EPB41L4A: variants seen among roughly 807,000 people sequenced by gnomAD.
EPB41L4A encodes the protein erythrocyte membrane protein band 4.1 like 4A.
Under a neutral mutation model 108.6 loss-of-function variants are expected in EPB41L4A, and 100 were observed. The ratio of observed to expected loss-of-function variants is 0.92; its 90% CI spans 0.78 to 1.09. The LOEUF (loss-of-function observed/expected upper bound fraction) is 1.09, where lower values mean the gene tolerates loss of function less well. Ranked by LOEUF, EPB41L4A falls within the 50% of genes least tolerant of loss-of-function variation. EPB41L4A has a pLI of 0.00. For missense variants in EPB41L4A, 1,030 were observed against 842.7 expected, an observed-to-expected ratio of 1.22 and a Z score of -2.75; for synonymous variants, 319 against 289.0, an observed-to-expected ratio of 1.10 and a Z score of -1.05.
chr5:112,270,540 A>G (rs1018605495), intron 4 of EPB41L4A, among the ~76,000 whole-genome samples: 2 of 152,250 alleles, frequency 1.3e-5, no homozygotes, highest in African/African-American at 4.8e-5. Flanking sequence ...TTTAACCTCT[A>G]AAGTTTAAAA....
At chr5:112,374,244 G>A (rs1759669445) in intron 1 of EPB41L4A, among the ~76,000 whole-genome samples, 1 of 152,174 alleles carries the variant, frequency 6.6e-6, no homozygotes, top group Non-Finnish European at 1.5e-5. Flanking sequence ...ACAGTGATTG[G>A]GAGTGGAAAC....
intron 17 of EPB41L4A, among the ~76,000 whole-genome samples, chr5:112,192,486 G>A (rs1283029055): frequency 2.0e-5 from 3 of 152,172 alleles, no homozygotes; most frequent in East Asian, 3.9e-4. Context: ...TGCATGAAAC[G>A]TGTCGGAATG....
chr5:112,404,037 A>T (rs1208335923), intron 1 of EPB41L4A, among the ~76,000 whole-genome samples: 1 of 152,252 alleles, frequency 6.6e-6, no homozygotes, highest in Non-Finnish European at 1.5e-5. Flanking sequence ...TCAGTTTTCT[A>T]ATCGGCAAAT....
At position 112,367,194 on chromosome 5, in the gene EPB41L4A, T is replaced by G. The variant is rs553661519; in HGVS notation, c.99+51747A>C. 9.0e-4 allele frequency among the ~76,000 whole-genome samples: 137 copies of G among 152,178 alleles called. 1 individual carries two copies. The highest frequency in any genetic ancestry group is 2.8e-3 in the African/African-American group (116 of 41,520). ...TCAGCTCTGCCCCTAGAGGAAAGAG[T>G]TTGCACCTGTAGTCACAGGCAAGAA... is the stretch of plus-strand genomic sequence containing the variant. On this transcript the variant is annotated intron_variant, in intron 1 of 22. Transcript: ENST00000261486.
chr5:112,386,175 C>A (rs1290536727), intron 1 of EPB41L4A, among the ~76,000 whole-genome samples: 1 of 152,146 alleles, frequency 6.6e-6, no homozygotes, highest in Non-Finnish European at 1.5e-5. Context: ...GCATTATCAC[C>A]CACTGAGGGG....
chr5:112,206,317 A>G (rs1279973873), intron 13 of EPB41L4A, among the ~76,000 whole-genome samples: 8 of 151,994 alleles, frequency 5.3e-5, no homozygotes, highest in African/African-American at 1.9e-4. Flanking sequence ...ATAGAGGAGT[A>G]CTTTGTAACA....
intron 13 of EPB41L4A, among the ~76,000 whole-genome samples, chr5:112,145,532 A>T (rs1333543481): frequency 6.6e-6 from 1 of 152,194 alleles, no homozygotes; most frequent in Non-Finnish European, 1.5e-5. Context: ...ACTGCCAACT[A>T]CATTTCCTGT....
At chr5:112,151,793 C>T (rs1237020814) in intron 12 of EPB41L4A, among the ~76,000 whole-genome samples, 2 of 151,782 alleles carry the variant, frequency 1.3e-5, no homozygotes, top group Non-Finnish European at 2.9e-5. Flanking sequence ...TGCAATGGCA[C>T]GATCTCAGCT....
intron 1 of EPB41L4A, among the ~76,000 whole-genome samples, chr5:112,329,301 C>A (rs934398570): frequency 4.6e-5 from 7 of 152,104 alleles, no homozygotes; most frequent in African/African-American, 1.7e-4. Flanking sequence ...TTTAAAATTA[C>A]AGATTTGGTT....
intron 1 of EPB41L4A, among the ~76,000 whole-genome samples, chr5:112,391,024 C>G (rs928475940): frequency 4.2e-4 from 64 of 152,302 alleles, no homozygotes; most frequent in African/African-American, 1.4e-3. Flanking sequence ...GGAATAGCAT[C>G]AACATCAACA....
intron 1 of EPB41L4A, among the ~76,000 whole-genome samples, chr5:112,367,850 C>CTGAACAAACTGAACTCATTACCT (rs1561613804): frequency 4.7e-5 from 7 of 149,816 alleles, no homozygotes; most frequent in African/African-American, 1.8e-4. Context: ...ACTCAGTACC[C>CTGAACAAACTGAACTCATTACCT]GGCTGAACAA....
At chr5:112,417,073 T>C (rs551559910) in intron 1 of EPB41L4A, among the ~76,000 whole-genome samples, 2 of 152,366 alleles carry the variant, frequency 1.3e-5, no homozygotes, top group South Asian at 4.1e-4. Context: ...CCTGCTTAAA[T>C]TATTGTTTAG....
Position 112,194,629 on chromosome 5 carries a change from TACAGCG to T in EPB41L4A, c.1435_1440del (p.Arg479_Cys480del). On this transcript the variant is annotated inframe_deletion, in exon 17 of 23. Transcript: ENST00000261486. ...TCTGATTCACTACCACTGCTGGTGT[TACAGCG>T]TGAACGTGACCTGAAGACAAAAAGG... is the stretch of plus-strand genomic sequence containing the variant. 6.2e-7 allele frequency: 1 copy of T among 1,606,016 alleles called. No individual in the cohort carries two copies. Among genetic ancestry groups the T allele is most frequent in the Admixed American group, 1.7e-5 (1 of 58,700 alleles).
At chr5:112,165,356 C>A (rs2150188834) in intron 22 of EPB41L4A, among the ~76,000 whole-genome samples, 1 of 152,264 alleles carries the variant, frequency 6.6e-6, no homozygotes, top group Admixed American at 6.5e-5. Flanking sequence ...CGATTTTATT[C>A]ATGAATATTA....
chr5:112,148,728 C>T lies in EPB41L4A; in HGVS notation n.995-2730G>A, dbSNP rs939544648. Among the ~76,000 whole-genome samples the T allele has an allele frequency of 3.3e-5, 5 of 152,020 alleles. 1 individual carries two copies. The South Asian group carries it at 8.3e-4, about 25-fold the overall frequency. ...CTTAGCCTTTCTATCGTGATTTTTT[C>T]CATTTAATTTTTAAACTACATAGAC... On this transcript the variant is annotated intron_variant and non_coding_transcript_variant, in intron 12 of 13. Coordinates refer to the EPB41L4A transcript ENST00000507810.
intron 3 of EPB41L4A, among the ~76,000 whole-genome samples, chr5:112,279,341 G>A (rs998161318): frequency 6.6e-6 from 1 of 152,108 alleles, no homozygotes; most frequent in Non-Finnish European, 1.5e-5. Context: ...TACTATCACA[G>A]GAAACAAGCT....
At position 112,232,446 on chromosome 5, in the gene EPB41L4A, T is replaced by C. The variant is rs573612574; in HGVS notation, c.1087+2188A>G. ...AATAGTGATGTGGCAAGGTAATCTATTGCAAATTTAGTCATGTTTTATTCT... is the reference window on the plus strand; with the variant it reads ...AATAGTGATGTGGCAAGGTAATCTACTGCAAATTTAGTCATGTTTTATTCT... On this transcript the variant is annotated intron_variant, in intron 12 of 22. Transcript: ENST00000261486. 3.9e-5 allele frequency among the ~76,000 whole-genome samples: 6 copies of C among 152,304 alleles called. No homozygotes were observed. The East Asian group carries it at 1.2e-3, about 29-fold the overall frequency.
chr5:112,377,215 GAA>G (rs576720562), intron 1 of EPB41L4A, among the ~76,000 whole-genome samples: 8 of 101,666 alleles, frequency 7.9e-5, no homozygotes, highest in South Asian at 3.4e-4. Flanking sequence ...CTGTTTGTTT[GAA>G]AAAAAAAAAA....
chr5:112,375,654 C>G (rs1285039768), intron 1 of EPB41L4A, among the ~76,000 whole-genome samples: 1 of 152,226 alleles, frequency 6.6e-6, no homozygotes, highest in Non-Finnish European at 1.5e-5. Context: ...TTATGCTCCT[C>G]AGGCCCTTGA....
Sources: allele counts gnomAD v4.1 joint callset (sites outside exome capture counted in the v4.1 genomes callset), GRCh38; gene constraint gnomAD v4.1.1; transcripts MANE v1.5; gene names NCBI Gene and HGNC (gene_info 2026-07-23, HGNC 2026-07-21).